The following TMPRSS9 variants were observed in gnomAD, a reference collection of about 807,000 sequenced individuals.
TMPRSS9 encodes transmembrane protease serine 9.
Under a neutral mutation model 111.4 loss-of-function variants are expected in TMPRSS9, and 113 were observed. That is an observed-to-expected ratio of 1.01 (90% CI 0.87 to 1.19). The LOEUF (loss-of-function observed/expected upper bound fraction) is 1.19, where lower values mean the gene tolerates loss of function less well. Among genes scored for constraint, TMPRSS9 ranks in the 50% most tolerant of loss-of-function variants. The pLI is 0.00. For missense variants in TMPRSS9, 1,803 were observed against 1,513.1 expected, an observed-to-expected ratio of 1.19 and a Z score of -3.18; for synonymous variants, 805 against 659.1, an observed-to-expected ratio of 1.22 and a Z score of -3.39.
At chr19:2,401,081 T>C (rs561071472) in intron 4 of TMPRSS9, among the ~76,000 whole-genome samples, 195 of 147,502 alleles carry the variant, frequency 1.3e-3, no homozygotes, top group Admixed American at 8.5e-3. Context: ...GAGACCATCC[T>C]GGCTAACACG....
exon 12 of TMPRSS9, chr19:2,416,771 G>A (rs780583802): frequency 9.9e-6 from 16 of 1,612,174 alleles, no homozygotes; most frequent in South Asian, 7.7e-5. Context: ...GGCCGGAAGT[G>A]CATGATCTCC....
intron 14 of TMPRSS9, among the ~76,000 whole-genome samples, chr19:2,423,877 A>C (rs1164524150): frequency 1.3e-5 from 2 of 152,174 alleles, no homozygotes; most frequent in Non-Finnish European, 2.9e-5. Flanking sequence ...AGTCATAGGA[A>C]ACAAATGCAT....
At chr19:2,361,273 G>T (rs1266599896) in intron 1 of TMPRSS9, among the ~76,000 whole-genome samples, 1 of 91,476 alleles carries the variant, frequency 1.1e-5, no homozygotes. Context: ...TTGGGATGGG[G>T]TGGGGTGCTG....
chr19:2,384,745 A>G (rs942829203), intron 1 of TMPRSS9, among the ~76,000 whole-genome samples: 2 of 149,870 alleles, frequency 1.3e-5, no homozygotes, highest in Admixed American at 1.4e-4. Context: ...AACCTGGGAA[A>G]TGGAGCTTGC....
At chr19:2,412,005 A>G (rs1971106087) in intron 9 of TMPRSS9, among the ~76,000 whole-genome samples, 2 of 151,830 alleles carry the variant, frequency 1.3e-5, no homozygotes, top group Admixed American at 6.6e-5. Flanking sequence ...TCTATATTCT[A>G]TATTTGTGGT....
chr19:2,414,243 CT>C (rs781736770), intron 10 of TMPRSS9: 51,116 of 366,026 alleles, frequency 0.14, no homozygotes, highest in East Asian at 0.19. Flanking sequence ...CAATGGGATA[CT>C]TTTTTTTTTT....
chr19:2,424,393 C>T, intron 15 of TMPRSS9, 136 bp downstream of exon 16: 2 of 950,090 alleles, frequency 2.1e-6, no homozygotes, highest in Admixed American at 4.3e-5. Flanking sequence ...CTGCCCCAGG[C>T]CACTCCTCCC....
chr19:2,418,327 C>CTCCT (rs1971320737), intron 13 of TMPRSS9, among the ~76,000 whole-genome samples, 189 bp downstream of exon 14: 2 of 36,204 alleles, frequency 5.5e-5, no homozygotes, highest in East Asian at 1.3e-3. Flanking sequence ...CCCTCCCTCC[C>CTCCT]TCCCTTTCCT....
intron 4 of TMPRSS9, 99 bp downstream of exon 5, chr19:2,399,292 A>C: frequency 1.4e-6 from 2 of 1,433,898 alleles, no homozygotes; most frequent in Non-Finnish European, 9.2e-7. Flanking sequence ...CCATAAAAAG[A>C]AAACAAACTG....
chr19:2,412,181 G>T (rs1971110329), intron 9 of TMPRSS9, among the ~76,000 whole-genome samples: 2 of 152,012 alleles, frequency 1.3e-5, no homozygotes, highest in Admixed American at 6.6e-5. Context: ...GTCGCTTGAG[G>T]CCAGGAGTTT....
intron 1 of TMPRSS9, among the ~76,000 whole-genome samples, chr19:2,380,772 C>T (rs1258190810): frequency 6.6e-6 from 1 of 152,092 alleles, no homozygotes; most frequent in African/African-American, 2.4e-5. Flanking sequence ...TTGTTTGAAG[C>T]TGCTAAGTTT....
Position 2,396,824 on chromosome 19 carries a change from C to T in TMPRSS9, c.270+158C>T, listed in dbSNP as rs182777679. Among the ~76,000 whole-genome samples, 1,462 of 151,954 alleles carry T rather than the reference C, an allele frequency of 9.6e-3. 11 individuals carry two copies. Among genetic ancestry groups the T allele is most frequent in the Non-Finnish European group, 0.016 (1,063 of 67,980 alleles). On this transcript the variant is annotated intron_variant, in intron 2 of 17. Coordinates refer to ENST00000648592, the Ensembl canonical transcript of TMPRSS9. ...AGGCCAGGCCAGGGGGCGGGCAGGA[C>T]GAGGCCAGGTGGCCAAGGCAGATAC...
upstream of TMPRSS9, among the ~76,000 whole-genome samples, chr19:2,386,029 C>A (rs551727233): frequency 9.2e-5 from 14 of 152,196 alleles, 1 homozygote; most frequent in African/African-American, 2.9e-4. Context: ...CTTGCAGCCT[C>A]AACCTCCTGG....
In TMPRSS9 at chr19:2,424,381, C is replaced by T. The variant is rs1971546214; in HGVS notation, c.2717+124C>T. ...GAGTGCCCTCCCCAACCCCGGCTCC[C>T]ACTGCCCCAGGCCACTCCTCCCACC... On this transcript the variant is annotated intron_variant, in intron 15 of 17. Coordinates refer to ENST00000648592, the Ensembl canonical transcript of TMPRSS9. 2.7e-6 allele frequency: 3 copies of T among 1,102,782 alleles called. No individual in the cohort carries two copies. In the African/African-American group the frequency reaches 4.9e-5, roughly 18 times the overall value. 68.3% of individuals were successfully genotyped at this position (1,102,782 alleles called of 1,614,324 possible).
intron 7 of TMPRSS9, among the ~76,000 whole-genome samples, chr19:2,405,813 C>T (rs1478679582): frequency 2.6e-4 from 39 of 149,624 alleles, no homozygotes; most frequent in Admixed American, 1.3e-3. Flanking sequence ...TCACGCCATT[C>T]TCCTGCCTCA....
intron 1 of TMPRSS9, among the ~76,000 whole-genome samples, chr19:2,394,277 C>T (rs1430050733): frequency 6.6e-6 from 1 of 151,978 alleles, no homozygotes; most frequent in African/African-American, 2.4e-5. Context: ...GGTCTAGCTA[C>T]TTGGGAGGCT....
intron 14 of TMPRSS9, 149 bp downstream of exon 15, chr19:2,422,396 G>C: frequency 9.7e-7 from 1 of 1,026,750 alleles, no homozygotes. Flanking sequence ...TGGCGAACAC[G>C]GTGAAACCTT....
intron 1 of TMPRSS9, among the ~76,000 whole-genome samples, chr19:2,369,621 T>C (rs1474233530): frequency 8.3e-6 from 1 of 120,374 alleles, no homozygotes; most frequent in Non-Finnish European, 1.7e-5. Flanking sequence ...TTTTTTTTTT[T>C]AGAGATGGGA....
chr19:2,367,109 C>G (rs1970253493), intron 1 of TMPRSS9, among the ~76,000 whole-genome samples: 1 of 152,100 alleles, frequency 6.6e-6, no homozygotes, highest in Non-Finnish European at 1.5e-5. Context: ...ACCTCAGAAG[C>G]CTAGATCCAT....
Sources: allele counts gnomAD v4.1 joint callset (sites outside exome capture counted in the v4.1 genomes callset), GRCh38; gene constraint gnomAD v4.1.1; transcripts MANE v1.5; gene names NCBI Gene and HGNC (gene_info 2026-07-23, HGNC 2026-07-21).